CNTNAP3: variants seen among roughly 807,000 people sequenced by gnomAD.
The protein encoded by CNTNAP3 is contactin-associated protein-like 3.
A neutral mutation model predicts 92.1 loss-of-function variants in CNTNAP3; 36 were observed. The observed-to-expected ratio is 0.39, with a 90% CI of 0.30 to 0.52. The LOEUF (loss-of-function observed/expected upper bound fraction) is 0.52. CNTNAP3 is among the 20% of genes least tolerant of loss of function. The probability of loss-of-function intolerance (pLI) is 0.76; values close to 1 mark genes in which losing one functional copy is unlikely to be tolerated. For missense variants in CNTNAP3, 534 were observed against 1,069.6 expected (o/e 0.50, Z 6.98); for synonymous variants, 232 against 422.3 (o/e 0.55, Z 5.53).
At chr9:39,102,431 T>C in intron 17 of CNTNAP3, 66 bp downstream of exon 17, 1 of 1,555,208 alleles carries the variant, frequency 6.4e-7, no homozygotes, top group Non-Finnish European at 8.7e-7. Flanking sequence ...TACATCACAG[T>C]TCTTATTTTC....
At chr9:39,107,796 A>G (rs894368746) in intron 15 of CNTNAP3, among the ~76,000 whole-genome samples, 7 of 152,318 alleles carry the variant, frequency 4.6e-5, no homozygotes, top group African/African-American at 1.7e-4. Flanking sequence ...GAATCCAACA[A>G]ATGAAACAAA....
chr9:39,159,665 TAGATAG>T (rs1822042297), intron 9 of CNTNAP3: 2 of 141,902 alleles, frequency 1.4e-5, no homozygotes, highest in African/African-American at 5.8e-5. Context: ...GATAGATAGA[TAGATAG>T]ATATATGTAA....
At chr9:39,134,486 G>A (rs553675223) in intron 12 of CNTNAP3, among the ~76,000 whole-genome samples, 231 of 151,736 alleles carry the variant, frequency 1.5e-3, no homozygotes, top group African/African-American at 5.2e-3. Context: ...GTGCAGTGGC[G>A]CTATCTCAGC....
intron 18 of CNTNAP3, among the ~76,000 whole-genome samples, chr9:39,089,151 G>A (rs959025218): frequency 6.6e-5 from 10 of 151,630 alleles, no homozygotes; most frequent in South Asian, 2.1e-4. Flanking sequence ...CCCCTCCCCC[G>A]AGCACCTTCT....
chr9:39,079,113 T>G (rs1825869701), intron 21 of CNTNAP3, among the ~76,000 whole-genome samples, 193 bp from the exon 22 acceptor site: 1 of 152,082 alleles, frequency 6.6e-6, no homozygotes. Flanking sequence ...ATTGTCAGGG[T>G]TATGAAAGGC....
intron 14 of CNTNAP3, chr9:39,117,888 A>G (rs1389103665): frequency 6.5e-6 from 7 of 1,079,214 alleles, no homozygotes; most frequent in Non-Finnish European, 5.1e-6. Context: ...AAAATAAAAA[A>G]CACATTATAT....
chr9:39,082,967 A>G (rs542410307), intron 21 of CNTNAP3, among the ~76,000 whole-genome samples: 1 of 152,258 alleles, frequency 6.6e-6, no homozygotes, highest in East Asian at 1.9e-4. Context: ...AATCAGGTAA[A>G]ATCAAATCCC....
At chr9:39,102,225 G>C (rs1347421859) in intron 17 of CNTNAP3, among the ~76,000 whole-genome samples, 1 of 152,292 alleles carries the variant, frequency 6.6e-6, no homozygotes, top group Non-Finnish European at 1.5e-5. Context: ...GGTTTCAGTG[G>C]GCTGAGATTG....
At chr9:39,095,840 T>C (rs1226054774) in intron 18 of CNTNAP3, among the ~76,000 whole-genome samples, 2 of 150,750 alleles carry the variant, frequency 1.3e-5, no homozygotes, top group African/African-American at 4.9e-5. Context: ...TCTACATAGC[T>C]CTATTTCTTC....
intron 19 of CNTNAP3, among the ~76,000 whole-genome samples, chr9:39,088,196 C>A (rs1489711905): frequency 6.6e-6 from 1 of 151,804 alleles, no homozygotes; most frequent in Non-Finnish European, 1.5e-5. Context: ...TGCATATCAA[C>A]TCCGTAAAAT....
rs1284639764 is a variant in CNTNAP3, at chr9:39,077,482, G to A, written c.3745+903C>T. Among the ~76,000 whole-genome samples the A allele has an allele frequency of 3.3e-5, 5 of 152,204 alleles. No homozygotes were observed. The South Asian group carries it at 6.2e-4, about 19-fold the overall frequency. On this transcript the variant is annotated intron_variant, in intron 23 of 23. Coordinates refer to ENST00000297668, the MANE Select transcript of CNTNAP3 (RefSeq NM_033655.5). Reference sequence around the variant, plus strand: ...TGCGGCAGGAGAATGGCGTGAACCCGGGAGGCGGAGCTTGCAGTAAGTCGA... The same window carrying A: ...TGCGGCAGGAGAATGGCGTGAACCCAGGAGGCGGAGCTTGCAGTAAGTCGA...
rs974992374 is a variant in CNTNAP3, at chr9:39,094,410, TG to T, written c.2995+5500del. Among the ~76,000 whole-genome samples, 20 of 151,672 alleles carry T rather than the reference TG, an allele frequency of 1.3e-4. 1 individual carries two copies. Among genetic ancestry groups the T allele is most frequent in the African/African-American group, 4.6e-4 (19 of 41,432 alleles). On this transcript the variant is annotated intron_variant, in intron 18 of 23. Transcript: ENST00000297668. ...TTATTGTTGTTGTTGCCCGTGCTTT[TG>T]GGGTGATTTTTAAAAAACCACTGCC...
At position 39,068,330 on chromosome 9, in the gene CNTNAP3, G is replaced by A. The variant is rs1486825050; in HGVS notation, c.*5560C>T. ...ACTCGGGAGGCTGAGGCAGGAGAAT[G>A]GCATGAACCCTGGAGGCGGAGCTTG... On this transcript the variant is annotated 3_prime_UTR_variant, in exon 24 of 24. Transcript: ENST00000297668. Among the ~76,000 whole-genome samples the A allele has an allele frequency of 6.6e-6, 1 of 152,304 alleles. No homozygotes were observed. Among genetic ancestry groups the A allele is most frequent in the African/African-American group, 2.4e-5 (1 of 41,486 alleles).
intron 11 of CNTNAP3, among the ~76,000 whole-genome samples, chr9:39,141,481 A>T (rs944477583): frequency 1.1e-4 from 16 of 152,342 alleles, no homozygotes; most frequent in Non-Finnish European, 2.4e-4. Flanking sequence ...TGACAATTCA[A>T]GACAGCTGAA....
chr9:39,140,157 A>G (rs1280179653), intron 12 of CNTNAP3: 1 of 164,292 alleles, frequency 6.1e-6, no homozygotes, highest in Non-Finnish European at 1.3e-5. Flanking sequence ...CACATAGAAC[A>G]TTAACATATC....
At chr9:39,133,208 T>C in intron 12 of CNTNAP3, 73 bp from the exon 13 acceptor site, 2 of 1,479,272 alleles carry the variant, frequency 1.4e-6, no homozygotes, top group Non-Finnish European at 1.8e-6. Flanking sequence ...AGCAGACCTG[T>C]CTTTTATGTG....
chr9:39,081,838 G>T (rs1825945121), intron 21 of CNTNAP3, among the ~76,000 whole-genome samples: 1 of 151,038 alleles, frequency 6.6e-6, no homozygotes, highest in African/African-American at 2.4e-5. Context: ...CAGCACTTTG[G>T]GAGGCCGAGG....
At position 39,129,045 on chromosome 9, in the gene CNTNAP3, A is replaced by C. The variant is rs535957873; in HGVS notation, c.2080+3887T>G. Among the ~76,000 whole-genome samples, 4 of 152,182 alleles carry C rather than the reference A, an allele frequency of 2.6e-5. No homozygotes were observed. The East Asian group carries it at 7.7e-4, about 29-fold the overall frequency. On this transcript the variant is annotated intron_variant, in intron 13 of 23. Coordinates refer to ENST00000297668, the MANE Select transcript of CNTNAP3 (RefSeq NM_033655.5). ...CTCATGTTCATGGATTGGAAGACTC[A>C]AAACAGTGAAACACCAATTTTCCCT... is the stretch of plus-strand genomic sequence containing the variant.
At chr9:39,120,183 C>T (rs891020300) in intron 13 of CNTNAP3, among the ~76,000 whole-genome samples, 3 of 152,006 alleles carry the variant, frequency 2.0e-5, no homozygotes, top group Non-Finnish European at 4.4e-5. Context: ...CAAAACAAAA[C>T]AGAAATCTTG....
Sources: gnomAD v4.1 joint callset for allele counts (sites outside exome capture counted in the v4.1 genomes callset) on GRCh38, gnomAD v4.1.1 for gene constraint, MANE v1.5 for transcripts, NCBI Gene and HGNC (gene_info 2026-07-23, HGNC 2026-07-21) for gene names.